The following CNGB1 variants were observed in gnomAD, a reference collection of about 807,000 sequenced individuals.
The protein encoded by CNGB1 is cyclic nucleotide gated channel subunit beta 1.
In CNGB1, 126 loss-of-function variants were observed where a neutral mutation model predicts 151.7. The observed-to-expected ratio is 0.83, with a 90% CI of 0.72 to 0.96. CNGB1 has a LOEUF of 0.96. CNGB1 is among the 40% of genes least tolerant of loss of function. The pLI is 0.00. For missense variants in CNGB1, 1,698 were observed against 1,627.0 expected (o/e 1.04, Z -0.75); for synonymous variants, 623 against 635.1 (o/e 0.98, Z 0.29).
intron 14 of CNGB1, chr16:57,946,764 T>G (rs1029901878): frequency 4.6e-5 from 7 of 152,252 alleles, no homozygotes; most frequent in Non-Finnish European, 1.0e-4. Context: ...GACAGCCCAG[T>G]TTTTCTTGCC....
chr16:57,931,778 C>T lies in CNGB1; in HGVS notation c.1473G>A (p.Pro491=), dbSNP rs9925973. 6.0e-3 allele frequency: 9,698 copies of T among 1,614,046 alleles called. 432 individuals carry two copies. The African/African-American group carries it at 0.1, about 17-fold the overall frequency. The change falls in exon 17 of 33, where the codon CCG becomes CCA. Residue 491 remains proline (P), a synonymous_variant. Transcript: ENST00000251102. ...TGTCTGATTTGGCAGGAGACGGTGG[C>T]GGCAACACGGTTGAGGGTGGATTCT... ...AEENPPSTVL[P]PPSPAKSDTL...
chr16:57,885,314 C>T (rs1433722698), intron 32 of CNGB1, among the ~76,000 whole-genome samples: 1 of 152,112 alleles, frequency 6.6e-6, no homozygotes, highest in Non-Finnish European at 1.5e-5. Flanking sequence ...GCGCCATTTG[C>T]TCAAGTCATA....
In CNGB1 at chr16:57,940,221, G is replaced by T. The variant is rs1202208887; in HGVS notation, c.1209+13C>A. On this transcript the variant is annotated intron_variant, in intron 15 of 32. Coordinates refer to ENST00000251102, the MANE Select transcript of CNGB1 (RefSeq NM_001297.5). ...CAGGCCTCAGAGGTGCCAGTGCCTGGTGCTTCTCATACCTGATCTGAAGTG... is the reference window on the plus strand; with the variant it reads ...CAGGCCTCAGAGGTGCCAGTGCCTGTTGCTTCTCATACCTGATCTGAAGTG... 3 of 1,558,722 alleles carry T rather than the reference G, an allele frequency of 1.9e-6. No homozygotes were observed. Among genetic ancestry groups the T allele is most frequent in the African/African-American group, 1.4e-5 (1 of 73,820 alleles).
At chr16:57,954,939 G>A (rs2149383825) in intron 12 of CNGB1, 1 of 1,047,130 alleles carries the variant, frequency 9.5e-7, no homozygotes, top group Non-Finnish European at 1.2e-6. Context: ...TTTAGAGACA[G>A]GGTCTCACTG....
chr16:57,885,685 C>T (rs756400736), intron 32 of CNGB1, among the ~76,000 whole-genome samples: 1 of 151,824 alleles, frequency 6.6e-6, no homozygotes, highest in Non-Finnish European at 1.5e-5. Context: ...CCTCTGCCTC[C>T]CAGGTTCAAG....
chr16:57,887,344 C>T (rs560326982), intron 32 of CNGB1, among the ~76,000 whole-genome samples: 4 of 152,224 alleles, frequency 2.6e-5, no homozygotes, highest in South Asian at 4.1e-4. Context: ...AGTCCAGGGG[C>T]GGGTATGTGA....
chr16:57,919,160 G>T lies in CNGB1; in HGVS notation c.1896C>A (p.Cys632Ter), dbSNP rs774264204. The T allele has an allele frequency of 1.2e-6, 2 of 1,614,078 alleles. No individual in the cohort carries two copies. Among genetic ancestry groups the T allele is most frequent in the Admixed American group, 1.7e-5 (1 of 60,006 alleles). The stretch of plus-strand genomic sequence containing the variant: ...TCTTCCAGGGGCGGTGTTTGAACTT[G>T]CAGCAGAGCATGTCGCAATAGTGCT... ...EEEHYCDMLCCKFKHRPWKKY... is the reference protein window; with the variant it reads ...EEEHYCDMLC The change falls in exon 20 of 33, where the codon TGC becomes TGA. Residue 632 changes from cysteine (C) to a stop codon, truncating the protein, a stop_gained. Transcript: ENST00000251102. LOFTEE classifies it high-confidence loss of function.
chr16:57,911,456 G>GTTTTTTTTTTTTTTTTTT (rs1960707386), intron 25 of CNGB1, among the ~76,000 whole-genome samples: 1 of 151,932 alleles, frequency 6.6e-6, no homozygotes, highest in Non-Finnish European at 1.5e-5. Context: ...GCCCAGCTAA[G>GTTTTTTTTTTTTTTTTTT]TTTTGTATTT....
intron 16 of CNGB1, 50 bp from the exon 17 acceptor site, chr16:57,931,928 TC>T (rs1961365807): frequency 1.9e-6 from 3 of 1,593,192 alleles, no homozygotes; most frequent in Non-Finnish European, 2.6e-6. Context: ...AAAAGCTGGG[TC>T]CCAGGAGTCC....
chr16:57,942,923 C>T (rs1961709081), intron 14 of CNGB1, among the ~76,000 whole-genome samples: 1 of 149,804 alleles, frequency 6.7e-6, no homozygotes, highest in South Asian at 2.1e-4. Context: ...AAATCTGAAA[C>T]TATAAAACCA....
At chr16:57,952,033 T>G (rs1256189671) in intron 12 of CNGB1, among the ~76,000 whole-genome samples, 1 of 152,198 alleles carries the variant, frequency 6.6e-6, no homozygotes, top group Non-Finnish European at 1.5e-5. Flanking sequence ...GGTGGGACGC[T>G]TTGTCTGTGT....
At chr16:57,920,581 C>G in intron 18 of CNGB1, 37 bp from the exon 19 acceptor site, 1 of 1,605,668 alleles carries the variant, frequency 6.2e-7, no homozygotes, top group South Asian at 1.1e-5. Flanking sequence ...CAGGCTGAGC[C>G]GGGAGGGACC....
chr16:57,885,968 A>G (rs1596943688), intron 32 of CNGB1, among the ~76,000 whole-genome samples: 2 of 152,168 alleles, frequency 1.3e-5, no homozygotes, highest in South Asian at 2.1e-4. Flanking sequence ...TTCCTGAAGC[A>G]TGGTGCTATG....
rs753724926 is a variant in CNGB1 at position 57,962,933 on chromosome 16, C to T, written c.381+41G>A. The T allele has an allele frequency of 3.7e-6, 6 of 1,612,234 alleles. No homozygotes were observed. The East Asian group carries it at 1.1e-4, about 30-fold the overall frequency. On this transcript the variant is annotated intron_variant, in intron 5 of 32. Transcript: ENST00000251102. ...CCCAAGGGCAGCCTCCCCACAGCCC[C>T]TCTCCAACCCGGCCCCTTCAGCCTC...
At chr16:57,956,097 C>T (rs189198565) in intron 12 of CNGB1, among the ~76,000 whole-genome samples, 9 of 152,344 alleles carry the variant, frequency 5.9e-5, no homozygotes, top group Non-Finnish European at 1.2e-4. Flanking sequence ...GGCGGGGAAT[C>T]CTGCCTCCTT....
intron 17 of CNGB1, among the ~76,000 whole-genome samples, chr16:57,926,669 C>T (rs1233006724): frequency 1.3e-5 from 2 of 152,178 alleles, no homozygotes; most frequent in Non-Finnish European, 2.9e-5. Context: ...GCACAGGGCA[C>T]TCTCCTGAGC....
Position 57,953,773 on chromosome 16 carries a change from A to G in CNGB1, c.875-3233T>C, listed in dbSNP as rs554297744. Among the ~76,000 whole-genome samples the G allele has an allele frequency of 5.3e-5, 8 of 152,188 alleles. No individual in the cohort carries two copies. The South Asian group carries it at 1.2e-3, about 24-fold the overall frequency. On this transcript the variant is annotated intron_variant, in intron 12 of 32. Coordinates refer to ENST00000251102, the MANE Select transcript of CNGB1 (RefSeq NM_001297.5). Reference sequence around the variant, plus strand: ...CCTCTCACTGGATGTTTCTCAAAGTATGGTCCCAGCCTCTACCCCGTCATC... The same window carrying G: ...CCTCTCACTGGATGTTTCTCAAAGTGTGGTCCCAGCCTCTACCCCGTCATC...
chr16:57,949,464 G>A (rs759861119), intron 13 of CNGB1, 25 bp from the exon 14 acceptor site: 5 of 1,613,300 alleles, frequency 3.1e-6, no homozygotes, highest in Middle Eastern at 1.6e-4. Context: ...GAGGCAGGAG[G>A]TGAGCCCACC....
intron 31 of CNGB1, among the ~76,000 whole-genome samples, chr16:57,896,073 C>T (rs1333710692): frequency 1.3e-5 from 2 of 152,140 alleles, no homozygotes; most frequent in Non-Finnish European, 2.9e-5. Context: ...TTACAACTAT[C>T]ATAGCAATCT....
Sources: allele counts gnomAD v4.1 joint callset (sites outside exome capture counted in the v4.1 genomes callset), GRCh38; gene constraint gnomAD v4.1.1; transcripts MANE v1.5; gene names NCBI Gene and HGNC (gene_info 2026-07-23, HGNC 2026-07-21).